RNF144A: variants seen among roughly 807,000 people sequenced by gnomAD.
The protein encoded by RNF144A is E3 ubiquitin-protein ligase RNF144A.
A neutral mutation model predicts 38.7 loss-of-function variants in RNF144A; 11 were observed. That is an observed-to-expected ratio of 0.28 (90% CI 0.18 to 0.47). The LOEUF (loss-of-function observed/expected upper bound fraction) is 0.47. RNF144A is among the 20% of genes least tolerant of loss of function. RNF144A has a pLI of 0.99. For missense variants in RNF144A, 316 were observed against 377.2 expected (o/e 0.84, Z 1.34); for synonymous variants, 149 against 143.9 (o/e 1.04, Z -0.25).
intron 7 of RNF144A, among the ~76,000 whole-genome samples, 168 bp from the exon 8 acceptor site, chr2:7,029,958 C>G (rs1672169407): frequency 6.6e-6 from 1 of 152,236 alleles, no homozygotes; most frequent in South Asian, 2.1e-4. Context: ...GCCTGGGCCT[C>G]CAGTGGCTGT....
chr2:6,937,927 G>A (rs1665697629), intron 1 of RNF144A, among the ~76,000 whole-genome samples: 1 of 152,176 alleles, frequency 6.6e-6, no homozygotes, highest in African/African-American at 2.4e-5. Flanking sequence ...AAAGATATAT[G>A]GGCCTGTCCA....
intron 1 of RNF144A, among the ~76,000 whole-genome samples, chr2:6,922,109 TTCC>T (rs1664574712): frequency 6.6e-6 from 1 of 152,150 alleles, no homozygotes; most frequent in African/African-American, 2.4e-5. Flanking sequence ...TCCATTTCCT[TTCC>T]TCCTCCTCCA....
chr2:7,048,263 A>G, downstream of RNF144A, among the ~76,000 whole-genome samples: 1 of 152,182 alleles, frequency 6.6e-6, no homozygotes, highest in South Asian at 2.1e-4. Context: ...ATACACAAGG[A>G]CCTTCCAGGG....
At chr2:6,951,911 C>A (rs764082954) in intron 2 of RNF144A, among the ~76,000 whole-genome samples, 1 of 151,938 alleles carries the variant, frequency 6.6e-6, no homozygotes, top group Non-Finnish European at 1.5e-5. Context: ...CTTGTGATTG[C>A]TTTCTTTTTT....
At chr2:6,947,319 G>T (rs553854398) in intron 2 of RNF144A, among the ~76,000 whole-genome samples, 172 of 151,252 alleles carry the variant, frequency 1.1e-3, no homozygotes, top group African/African-American at 3.9e-3. Flanking sequence ...TTAATAGTTG[G>T]AACCTTATGG....
rs1413878529 is a variant in RNF144A, at chr2:7,039,950, G to C, written c.*190G>C. 1 of 1,405,476 alleles carries C rather than the reference G, an allele frequency of 7.1e-7. No individual in the cohort carries two copies. Among genetic ancestry groups the C allele is most frequent in the Non-Finnish European group, 9.3e-7 (1 of 1,080,986 alleles). 87.1% of individuals were successfully genotyped at this position (1,405,476 alleles called of 1,614,324 possible). A position where few individuals can be genotyped will look rare whatever the true frequency, so the allele number is the denominator to read the frequency against. On this transcript the variant is annotated 3_prime_UTR_variant, in exon 9 of 9. Coordinates refer to ENST00000320892, the MANE Select transcript of RNF144A (RefSeq NM_014746.6). ...GTTCGCTGAGGCCCCAGGTGTGGTG[G>C]GGAGGGGAGGCAGGTGTGGGTAGCG...
chr2:7,041,556 G>A lies in RNF144A; in HGVS notation c.*1796G>A, dbSNP rs1363400281. The A allele has an allele frequency of 8.1e-6, 8 of 985,988 alleles. No individual in the cohort carries two copies. The highest frequency in any genetic ancestry group is 3.6e-6 in the Non-Finnish European group (3 of 829,992). The allele number at this position is 985,988 out of a possible 1,614,324, so 61.1% of individuals were successfully genotyped here. A position where few individuals can be genotyped will look rare whatever the true frequency, so the allele number is the denominator to read the frequency against. On this transcript the variant is annotated 3_prime_UTR_variant, in exon 9 of 9. Coordinates refer to ENST00000320892, the MANE Select transcript of RNF144A (RefSeq NM_014746.6). ...GGCTCTCTGTCGTTTGTGGTGCTGT[G>A]ATGGTGTCTACTGTTAGAATAGCTT...
At chr2:6,923,188 T>G (rs553663100) in intron 1 of RNF144A, among the ~76,000 whole-genome samples, 205 of 152,320 alleles carry the variant, frequency 1.3e-3, no homozygotes, top group African/African-American at 4.7e-3. Flanking sequence ...CATGTCCCCA[T>G]TTGGGTGGTA....
chr2:7,004,755 G>A lies in RNF144A; in HGVS notation c.135+7694G>A, dbSNP rs535642425. ...AACTACAGGACTTCGACGTTTCTCA[G>A]CTCTTCAAACATCTGGAGCTTAAAC... On this transcript the variant is annotated intron_variant, in intron 3 of 8. Transcript: ENST00000320892. 7.9e-4 allele frequency among the ~76,000 whole-genome samples: 120 copies of A among 152,294 alleles called. 3 individuals carry two copies. In the South Asian group the frequency reaches 0.024, roughly 30 times the overall value.
chr2:7,057,540 G>A (rs1673787584), intron 6 of RNF144A, among the ~76,000 whole-genome samples: 2 of 152,284 alleles, frequency 1.3e-5, no homozygotes, highest in South Asian at 4.1e-4. Context: ...TGATTCTCAA[G>A]TTTTTTTAGT....
At chr2:6,964,624 G>GGAATA (rs1231839536) in intron 2 of RNF144A, among the ~76,000 whole-genome samples, 1 of 152,144 alleles carries the variant, frequency 6.6e-6, no homozygotes, top group African/African-American at 2.4e-5. Flanking sequence ...TATACACCAT[G>GGAATA]GAATACTACG....
chr2:6,919,817 A>G (rs952193163), intron 1 of RNF144A, among the ~76,000 whole-genome samples: 1 of 152,262 alleles, frequency 6.6e-6, no homozygotes, highest in Non-Finnish European at 1.5e-5. Context: ...TAATGTCAGC[A>G]ACTCTGGAAG....
intron 2 of RNF144A, among the ~76,000 whole-genome samples, chr2:6,948,664 A>C (rs1158021949): frequency 6.6e-6 from 1 of 152,240 alleles, no homozygotes; most frequent in Non-Finnish European, 1.5e-5. Flanking sequence ...GCACCAGGAA[A>C]GCAGGGAAGA....
At chr2:7,027,735 G>A (rs1161314572) in intron 7 of RNF144A, among the ~76,000 whole-genome samples, 2 of 152,218 alleles carry the variant, frequency 1.3e-5, no homozygotes, top group Non-Finnish European at 2.9e-5. Flanking sequence ...TAGGAGGAAA[G>A]TATTCCCTAT....
intron 3 of RNF144A, among the ~76,000 whole-genome samples, chr2:7,013,091 A>G (rs545417351): frequency 2.6e-5 from 4 of 152,352 alleles, no homozygotes; most frequent in African/African-American, 9.6e-5. Context: ...TCTTCAATGA[A>G]TGAAATATTC....
intron 6 of RNF144A, among the ~76,000 whole-genome samples, chr2:7,023,066 G>A (rs1272147150): frequency 5.3e-5 from 8 of 152,250 alleles, no homozygotes; most frequent in African/African-American, 1.2e-4. Context: ...TGTAGAGATC[G>A]ATGCTATTAG....
At chr2:7,068,272 G>T in exon 7 of RNF144A, 1 of 1,298,862 alleles carries the variant, frequency 7.7e-7, no homozygotes, top group Non-Finnish European at 1.0e-6. Flanking sequence ...AGTGTCATCT[G>T]TAAGAGGTGG....
intron 2 of RNF144A, among the ~76,000 whole-genome samples, chr2:6,974,399 C>T (rs958639040): frequency 6.6e-6 from 1 of 152,164 alleles, no homozygotes. Context: ...AGCTTCTTAA[C>T]CTTGGTGTGC....
In RNF144A at chr2:7,014,488, A is replaced by G. The variant is rs768564056; in HGVS notation, c.170A>G (p.Glu57Gly). ...LKQYVELLIK[E>G]GLETAISCPD... Reference sequence around the variant, plus strand: ...CAGTATGTTGAGCTCTTGATCAAAGAAGGATTAGAAACCGCAATTAGCTGC... The same window carrying G: ...CAGTATGTTGAGCTCTTGATCAAAGGAGGATTAGAAACCGCAATTAGCTGC... Residue 57 changes from glutamate to glycine, a missense_variant, in exon 4 of 9, where the codon GAA (glutamate) becomes GGA (glycine). Physicochemically the swap from Glu to Gly is moderately conservative, Grantham distance 98 (BLOSUM62 -2). Coordinates refer to ENST00000320892, the MANE Select transcript of RNF144A (RefSeq NM_014746.6). The G allele has an allele frequency of 6.2e-7, 1 of 1,612,192 alleles. No homozygotes were observed. Among genetic ancestry groups the G allele is most frequent in the Non-Finnish European group, 8.5e-7 (1 of 1,179,342 alleles).
Sources: allele counts gnomAD v4.1 joint callset (sites outside exome capture counted in the v4.1 genomes callset), GRCh38; gene constraint gnomAD v4.1.1; transcripts MANE v1.5; gene names NCBI Gene and HGNC (gene_info 2026-07-23, HGNC 2026-07-21).